ZSWIM5: variants seen among roughly 807,000 people sequenced by gnomAD.
The protein encoded by ZSWIM5 is zinc finger SWIM-type containing 5, also known as zinc finger SWIM domain-containing protein 5.
Under a neutral mutation model 119.6 loss-of-function variants are expected in ZSWIM5, and 55 were observed. The ratio of observed to expected loss-of-function variants is 0.46; its 90% CI spans 0.37 to 0.58. The LOEUF is 0.58. Ranked by LOEUF, ZSWIM5 falls within the 20% of genes least tolerant of loss-of-function variation. ZSWIM5 has a pLI of 0.00. For synonymous variants in ZSWIM5, 537 were observed against 606.9 expected, an observed-to-expected ratio of 0.88 and a Z score of 1.69; for missense variants, 1,193 against 1,512.8, an observed-to-expected ratio of 0.79 and a Z score of 3.51.
chr1:45,182,320 C>T (rs1177088658), intron 1 of ZSWIM5, among the ~76,000 whole-genome samples: 3 of 151,508 alleles, frequency 2.0e-5, no homozygotes, highest in African/African-American at 4.9e-5. Flanking sequence ...AGGAGAATGG[C>T]GTGAACCCAG....
chr1:45,099,682 T>C (rs926746529), intron 1 of ZSWIM5, among the ~76,000 whole-genome samples: 9 of 152,070 alleles, frequency 5.9e-5, no homozygotes, highest in African/African-American at 2.2e-4. Context: ...CAGCAGCACA[T>C]CAAAAAGCTT....
intron 1 of ZSWIM5, among the ~76,000 whole-genome samples, chr1:45,194,625 C>G (rs1371964964): frequency 2.0e-5 from 3 of 152,098 alleles, no homozygotes; most frequent in Admixed American, 6.5e-5. Flanking sequence ...CACCTGTAAT[C>G]CCAGCACTTT....
At chr1:45,037,203 T>C (rs12143560) in intron 8 of ZSWIM5, among the ~76,000 whole-genome samples, 38,532 of 148,616 alleles carry the variant, frequency 0.26, 5,219 homozygotes, top group East Asian at 0.38. Context: ...CTCCGCCTCC[T>C]GGGTTCAAGC....
chr1:45,030,560 ATTC>A (rs1644946914), intron 11 of ZSWIM5, among the ~76,000 whole-genome samples: 1 of 151,412 alleles, frequency 6.6e-6, no homozygotes, highest in Non-Finnish European at 1.5e-5. Context: ...GCTTTTATTT[ATTC>A]TTAAGTGAGC....
chr1:45,128,947 C>T (rs1645637883), intron 1 of ZSWIM5, among the ~76,000 whole-genome samples: 1 of 152,128 alleles, frequency 6.6e-6, no homozygotes, highest in African/African-American at 2.4e-5. Context: ...AAAGTTCCTG[C>T]ATGTCTTCTC....
At chr1:45,070,115 G>C in intron 2 of ZSWIM5, 1 of 1,024,846 alleles carries the variant, frequency 9.8e-7, no homozygotes, top group East Asian at 2.4e-5. Flanking sequence ...CATTCGATCA[G>C]TCCAGGATTA....
At chr1:45,149,757 A>G (rs74897396) in intron 1 of ZSWIM5, among the ~76,000 whole-genome samples, 1,730 of 152,340 alleles carry the variant, frequency 0.011, 13 homozygotes, top group Non-Finnish European at 0.019. Flanking sequence ...CTTCATAATA[A>G]ATCTATTTCA....
chr1:45,169,026 A>G (rs1645928453), intron 1 of ZSWIM5, among the ~76,000 whole-genome samples: 1 of 152,148 alleles, frequency 6.6e-6, no homozygotes, highest in South Asian at 2.1e-4. Flanking sequence ...AAAGATATAC[A>G]AAACTCTTGA....
intron 1 of ZSWIM5, among the ~76,000 whole-genome samples, chr1:45,128,072 T>C (rs1199368516): frequency 1.3e-5 from 2 of 152,226 alleles, no homozygotes; most frequent in Non-Finnish European, 2.9e-5. Context: ...ATGCCATTAA[T>C]GTAATTCCCA....
rs530968431 is a variant in ZSWIM5 at position 45,033,885 on chromosome 1, C to G, written c.2449+427G>C. ...CCAGGTGCTTTTTTTTTTTTTGAGA[C>G]GGAGTCTTGCTCTGTCACCCAGGCT... On this transcript the variant is annotated intron_variant, in intron 11 of 13. Coordinates refer to ENST00000359600, the MANE Select transcript of ZSWIM5 (RefSeq NM_020883.2). Among the ~76,000 whole-genome samples, 32 of 149,318 alleles carry G rather than the reference C, an allele frequency of 2.1e-4. No homozygotes were observed. The South Asian group carries it at 6.3e-3, about 29-fold the overall frequency.
At chr1:45,097,028 G>C (rs1258043221) in intron 1 of ZSWIM5, among the ~76,000 whole-genome samples, 1 of 152,172 alleles carries the variant, frequency 6.6e-6, no homozygotes, top group Non-Finnish European at 1.5e-5. Flanking sequence ...GTACTTTGCA[G>C]GTGGTCCTTG....
At chr1:45,051,363 C>A in intron 4 of ZSWIM5, 110 bp from the exon 5 acceptor site, 1 of 1,177,986 alleles carries the variant, frequency 8.5e-7, no homozygotes, top group Non-Finnish European at 1.2e-6. Context: ...AAAGCATTAT[C>A]TTTTCTTAAT....
intron 11 of ZSWIM5, among the ~76,000 whole-genome samples, chr1:45,031,791 G>C (rs1644955015): frequency 1.5e-5 from 2 of 137,456 alleles, no homozygotes; most frequent in Non-Finnish European, 3.0e-5. Context: ...AGTGAGCGGA[G>C]ATCACGCCAC....
At chr1:45,182,423 C>CAAA (rs1646027220) in intron 1 of ZSWIM5, among the ~76,000 whole-genome samples, 1 of 116,552 alleles carries the variant, frequency 8.6e-6, no homozygotes, top group African/African-American at 3.2e-5. Context: ...AACAAACAAA[C>CAAA]AAACAAACAA....
chr1:45,085,136 G>A (rs924493877), intron 2 of ZSWIM5, among the ~76,000 whole-genome samples: 9 of 152,326 alleles, frequency 5.9e-5, no homozygotes, highest in South Asian at 2.1e-4. Flanking sequence ...TGTGGAAGCC[G>A]CCAAGGCTTA....
chr1:45,038,335 T>G lies in ZSWIM5; in HGVS notation c.1894+601A>C, dbSNP rs78768781. 2.8e-4 allele frequency among the ~76,000 whole-genome samples: 43 copies of G among 152,336 alleles called. 2 individuals carry two copies. In the East Asian group the frequency reaches 5.4e-3, roughly 19 times the overall value. Reference sequence around the variant, plus strand: ...TCAGACTGCTCTAGGTTCTCGCCTCTGACTGCTAAAATTTCTCTATCACTT... The same window carrying G: ...TCAGACTGCTCTAGGTTCTCGCCTCGGACTGCTAAAATTTCTCTATCACTT... On this transcript the variant is annotated intron_variant, in intron 8 of 13. Coordinates refer to ENST00000359600, the MANE Select transcript of ZSWIM5 (RefSeq NM_020883.2).
intron 1 of ZSWIM5, among the ~76,000 whole-genome samples, chr1:45,120,106 G>A: frequency 6.6e-6 from 1 of 152,326 alleles, no homozygotes; most frequent in East Asian, 1.9e-4. Flanking sequence ...CACTATGGGA[G>A]GCCGAGGTGG....
At chr1:45,121,586 C>A (rs1570121892) in intron 1 of ZSWIM5, among the ~76,000 whole-genome samples, 1 of 146,612 alleles carries the variant, frequency 6.8e-6, no homozygotes, top group East Asian at 2.0e-4. Flanking sequence ...AGATAGGAAT[C>A]TTTTTTTTTC....
chr1:45,176,319 T>A lies in ZSWIM5; in HGVS notation c.595+29437A>T, dbSNP rs1297625963. On this transcript the variant is annotated intron_variant, in intron 1 of 13. Transcript: ENST00000359600. ...TTGCTTGTTGCCCAGGCTGGAGTGC[T>A]ATGGCACAATCTTGGCTCACTGCCA... Among the ~76,000 whole-genome samples, 11 of 152,064 alleles carry A rather than the reference T, an allele frequency of 7.2e-5. No individual in the cohort carries two copies. The East Asian group carries it at 2.1e-3, about 29-fold the overall frequency.
Sources: allele counts gnomAD v4.1 joint callset (sites outside exome capture counted in the v4.1 genomes callset), GRCh38; gene constraint gnomAD v4.1.1; transcripts MANE v1.5; gene names NCBI Gene and HGNC (gene_info 2026-07-23, HGNC 2026-07-21).